BTC: variants seen among roughly 807,000 people sequenced by gnomAD.
The protein encoded by BTC is betacellulin, also known as probetacellulin.
A neutral mutation model predicts 18.1 loss-of-function variants in BTC; 13 were observed. That is an observed-to-expected ratio of 0.72 (90% confidence interval 0.47 to 1.14). The LOEUF (loss-of-function observed/expected upper bound fraction) is 1.14. BTC is among the 50% of genes most tolerant of loss of function. BTC has a pLI of 0.00. For missense variants in BTC, 247 were observed against 224.2 expected, an observed-to-expected ratio of 1.10 and a Z score of -0.65; for synonymous variants, 83 against 79.4, an observed-to-expected ratio of 1.05 and a Z score of -0.24.
chr4:74,782,498 A>G (rs1029538401), intron 1 of BTC, among the ~76,000 whole-genome samples: 1 of 152,184 alleles, frequency 6.6e-6, no homozygotes. Context: ...TATCCAGTCT[A>G]TCACTGATGG....
At chr4:74,779,700 A>G (rs1159287859) in intron 1 of BTC, among the ~76,000 whole-genome samples, 1 of 152,188 alleles carries the variant, frequency 6.6e-6, no homozygotes, top group Non-Finnish European at 1.5e-5. Flanking sequence ...ATGAGGAAAC[A>G]GTCATCAAAC....
intron 1 of BTC, among the ~76,000 whole-genome samples, chr4:74,788,997 A>G (rs1725552552): frequency 6.6e-6 from 1 of 152,232 alleles, no homozygotes; most frequent in South Asian, 2.1e-4. Flanking sequence ...GTGAGTGTGT[A>G]TGTGAGGAAA....
At chr4:74,758,831 A>G (rs1187809641) in intron 2 of BTC, among the ~76,000 whole-genome samples, 1 of 152,170 alleles carries the variant, frequency 6.6e-6, no homozygotes, top group East Asian at 1.9e-4. Flanking sequence ...TCCCAGCATT[A>G]TTTAGATTTT....
chr4:74,759,618 A>T (rs1276193273), intron 2 of BTC, among the ~76,000 whole-genome samples: 1 of 139,844 alleles, frequency 7.2e-6, no homozygotes, highest in African/African-American at 2.5e-5. Flanking sequence ...ATAAAGTATA[A>T]ATAAAGTATA....
chr4:74,748,296 C>T, intron 4 of BTC, 147 bp from the exon 5 acceptor site: 1 of 473,284 alleles, frequency 2.1e-6, no homozygotes, highest in Non-Finnish European at 3.7e-6. Flanking sequence ...CGCCTGTAAT[C>T]CCAGCACTTT....
chr4:74,794,228 C>T, intron 1 of BTC, 34 bp downstream of exon 1: 9 of 1,549,766 alleles, frequency 5.8e-6, no homozygotes, highest in Admixed American at 2.0e-5. Context: ...CCAGACTTTC[C>T]TCCTGGTTTC....
At chr4:74,753,098 G>A (rs1724507492) in intron 3 of BTC, among the ~76,000 whole-genome samples, 1 of 152,230 alleles carries the variant, frequency 6.6e-6, no homozygotes. Flanking sequence ...AGGAGAAGAA[G>A]AGGCAAAGAG....
chr4:74,757,162 C>T (rs1724623941), intron 2 of BTC, among the ~76,000 whole-genome samples: 1 of 152,046 alleles, frequency 6.6e-6, no homozygotes, highest in Non-Finnish European at 1.5e-5. Flanking sequence ...ACCTGGCATC[C>T]CAATGACATT....
chr4:74,762,843 A>G (rs1206448708), intron 2 of BTC, among the ~76,000 whole-genome samples: 1 of 152,174 alleles, frequency 6.6e-6, no homozygotes, highest in Non-Finnish European at 1.5e-5. Flanking sequence ...CATAAATAAC[A>G]TTACTCAATG....
At chr4:74,778,466 C>G (rs1725234664) in intron 1 of BTC, among the ~76,000 whole-genome samples, 1 of 152,064 alleles carries the variant, frequency 6.6e-6, no homozygotes, top group Non-Finnish European at 1.5e-5. Context: ...AGGGACAAAA[C>G]AATAAAATGT....
At chr4:74,775,435 C>G (rs1347185288) in intron 1 of BTC, among the ~76,000 whole-genome samples, 3 of 152,040 alleles carry the variant, frequency 2.0e-5, no homozygotes, top group African/African-American at 7.2e-5. Flanking sequence ...GTAGAAAACA[C>G]AGTAAGATTT....
At chr4:74,754,327 A>G (rs1009378513) in intron 3 of BTC, among the ~76,000 whole-genome samples, 12 of 152,340 alleles carry the variant, frequency 7.9e-5, no homozygotes, top group African/African-American at 2.9e-4. Flanking sequence ...CTGAAATACA[A>G]AAATGAATAA....
chr4:74,756,504 C>T (rs1229915685), intron 2 of BTC, among the ~76,000 whole-genome samples: 1 of 152,218 alleles, frequency 6.6e-6, no homozygotes, highest in African/African-American at 2.4e-5. Flanking sequence ...AAGCACGATA[C>T]ATGGAGGCTA....
chr4:74,785,892 G>C (rs1725466102), intron 1 of BTC, among the ~76,000 whole-genome samples: 1 of 152,140 alleles, frequency 6.6e-6, no homozygotes, highest in African/African-American at 2.4e-5. Context: ...CCTAGCTCCT[G>C]TGTTAGATGA....
chr4:74,791,930 T>C (rs1469135187), intron 1 of BTC, among the ~76,000 whole-genome samples: 3 of 151,890 alleles, frequency 2.0e-5, no homozygotes, highest in African/African-American at 7.2e-5. Context: ...CCAGGGCTCA[T>C]GTCTGCTCAA....
chr4:74,750,068 C>T (rs571175538), intron 4 of BTC, among the ~76,000 whole-genome samples: 1 of 151,982 alleles, frequency 6.6e-6, no homozygotes, highest in Non-Finnish European at 1.5e-5. Context: ...TGCCCTCCAG[C>T]CTGGGCAAAA....
At chr4:74,747,866 T>C (rs1329341938) in intron 5 of BTC, among the ~76,000 whole-genome samples, 174 bp downstream of exon 5, 3 of 152,010 alleles carry the variant, frequency 2.0e-5, no homozygotes, top group East Asian at 1.9e-4. Context: ...AAAAAAGATA[T>C]GAGGAAGTAT....
rs867906063 is a variant in BTC, at chr4:74,767,704, G to T, written c.163+2354C>A. Among the ~76,000 whole-genome samples, 8 of 151,998 alleles carry T rather than the reference G, an allele frequency of 5.3e-5. 1 individual carries two copies. The highest frequency in any genetic ancestry group is 1.9e-4 in the African/African-American group (8 of 41,416). On this transcript the variant is annotated intron_variant, in intron 2 of 5. Transcript: ENST00000395743. ...CATGGTACTGGCATAAAGACCAATA[G>T]AACAGAATAGACAGTCGAGCAATAA...
rs1445730764 is a variant in BTC, at chr4:74,753,393, G to T, written c.281+2466C>A. Among the ~76,000 whole-genome samples, 6 of 152,288 alleles carry T rather than the reference G, an allele frequency of 3.9e-5. 1 individual carries two copies. The highest frequency in any genetic ancestry group is 9.6e-5 in the African/African-American group (4 of 41,560). On this transcript the variant is annotated intron_variant, in intron 3 of 5. Transcript: ENST00000395743. ...TGCACAGAGAAGTTAAGGGAATGGG[G>T]ATTCAAACAGGCAGTCTGGCTCTCA...
Sources: allele counts gnomAD v4.1 joint callset (sites outside exome capture counted in the v4.1 genomes callset), GRCh38; gene constraint gnomAD v4.1.1; transcripts MANE v1.5; gene names NCBI Gene and HGNC (gene_info 2026-07-23, HGNC 2026-07-21).